The following ALDH1L2 variants were observed in gnomAD, a reference collection of about 807,000 sequenced individuals.
ALDH1L2 encodes aldehyde dehydrogenase 1 family member L2.
ALDH1L2 carries 91 observed loss-of-function variants against 111.0 expected under a neutral mutation model. That is an observed-to-expected ratio of 0.82 (90% CI 0.69 to 0.98). The LOEUF is 0.98. ALDH1L2 is among the 50% of genes least tolerant of loss of function. ALDH1L2 has a pLI of 0.00. For missense variants in ALDH1L2, 995 were observed against 1,126.8 expected, an observed-to-expected ratio of 0.88 and a Z score of 1.67; for synonymous variants, 374 against 392.6, an observed-to-expected ratio of 0.95 and a Z score of 0.56.
chr12:105,031,602 A>T lies in ALDH1L2; in HGVS notation c.2410+167T>A, dbSNP rs1592763878. Among the ~76,000 whole-genome samples, 4 of 152,238 alleles carry T rather than the reference A, an allele frequency of 2.6e-5. No individual in the cohort carries two copies. In the South Asian group the frequency reaches 8.3e-4, roughly 32 times the overall value. ...TTAACCTGCCTCCTAGGTTAAAGTG[A>T]TTCTTGTGCCTCAGCCTCCCCAGTA... On this transcript the variant is annotated intron_variant, in intron 20 of 22. Transcript: ENST00000258494.
In ALDH1L2 at chr12:105,020,934, A is replaced by G. The variant is rs888293782; in HGVS notation, c.*3490T>C. The G allele has an allele frequency of 6.6e-6, 1 of 152,256 alleles. No homozygotes were observed. The highest frequency in any genetic ancestry group is 1.5e-5 in the Non-Finnish European group (1 of 68,070). The allele number at this position is 152,256 out of a possible 1,614,324, so 9.4% of individuals were successfully genotyped here. A position where few individuals can be genotyped will look rare whatever the true frequency, so the allele number is the denominator to read the frequency against. On this transcript the variant is annotated 3_prime_UTR_variant, in exon 23 of 23. Transcript: ENST00000258494. ...TTACACATAGATACCTGCAAATGCTACAAATGAGGGTTTTCTCCCCCGTCC... is the reference window on the plus strand; with the variant it reads ...TTACACATAGATACCTGCAAATGCTGCAAATGAGGGTTTTCTCCCCCGTCC...
intron 1 of ALDH1L2, among the ~76,000 whole-genome samples, chr12:105,080,440 T>C (rs946750119): frequency 6.6e-6 from 1 of 152,210 alleles, no homozygotes; most frequent in African/African-American, 2.4e-5. Flanking sequence ...ATTCTTTTCC[T>C]AAAAACATAG....
chr12:105,077,966 C>G (rs1878149669), intron 1 of ALDH1L2, among the ~76,000 whole-genome samples: 1 of 152,150 alleles, frequency 6.6e-6, no homozygotes, highest in Admixed American at 6.5e-5. Context: ...CCCTGAGGTG[C>G]CTAACACTTC....
intron 11 of ALDH1L2, 128 bp from the exon 12 acceptor site, chr12:105,052,345 ATATC>A (rs1226505606): frequency 2.0e-6 from 2 of 980,824 alleles, no homozygotes; most frequent in East Asian, 3.1e-5. Flanking sequence ...AGAAATGAGT[ATATC>A]TAGTACTACA....
chr12:105,070,552 A>G lies in ALDH1L2; in HGVS notation c.428+18T>C, dbSNP rs1264682232. ...AGACCCCATCTCAAAAAAAAAAAGT[A>G]AAAAGAAAAAATCTCACCAATTGAT... On this transcript the variant is annotated intron_variant, in intron 3 of 22. Coordinates refer to ENST00000258494, the MANE Select transcript of ALDH1L2 (RefSeq NM_001034173.4). The G allele has an allele frequency of 1.3e-6, 2 of 1,582,648 alleles. No individual in the cohort carries two copies. Among genetic ancestry groups the G allele is most frequent in the Admixed American group, 1.8e-5 (1 of 54,906 alleles).
rs368985370 is a variant in ALDH1L2 at position 105,038,125 on chromosome 12, T to G, written c.2123A>C (p.Glu708Ala). ...KSPLIIFNDC[E>A]LDKAVRMGMG... The stretch of plus-strand genomic sequence containing the variant: ...TACCATTCGCACAGCCTTGTCAAGT[T>G]CACAGTCATTAAATATTATAAGTGG... Residue 708 changes from glutamate to alanine, a missense_variant, in exon 18 of 23, where the codon GAA (glutamate) becomes GCA (alanine). By Grantham distance (107) the Glu-to-Ala change is moderately radical (BLOSUM62 -1). Coordinates refer to ENST00000258494, the MANE Select transcript of ALDH1L2 (RefSeq NM_001034173.4). The G allele has an allele frequency of 6.2e-7, 1 of 1,613,570 alleles. No homozygotes were observed. The highest frequency in any genetic ancestry group is 8.5e-7 in the Non-Finnish European group (1 of 1,179,774).
intron 11 of ALDH1L2, 22 bp from the exon 12 acceptor site, chr12:105,052,239 T>C (rs373580193): frequency 3.2e-5 from 50 of 1,580,920 alleles, no homozygotes; most frequent in Non-Finnish European, 3.6e-5. Flanking sequence ...TAAGTAAAAA[T>C]AGGCCCCATG....
intron 1 of ALDH1L2, 127 bp downstream of exon 1, chr12:105,084,262 G>C: frequency 9.0e-7 from 1 of 1,111,842 alleles, no homozygotes; most frequent in Non-Finnish European, 1.2e-6. Flanking sequence ...TTTAAACGCT[G>C]TCTTGGTGTT....
intron 13 of ALDH1L2, among the ~76,000 whole-genome samples, chr12:105,049,269 G>A (rs751823279): frequency 2.6e-5 from 4 of 152,046 alleles, no homozygotes; most frequent in African/African-American, 4.8e-5. Flanking sequence ...CTTTAGATTC[G>A]GAAAATCTTG....
rs899575079 is a variant in ALDH1L2, at chr12:105,049,916, T to A, written c.1678A>T (p.Lys560Ter). ...TFRYFAGWCD[K>*]IQGSTIPINQ... is the part of the protein sequence containing the mutation. ...ATAATATTTGTGCTTACCTGAATTT[T>A]GTCGCACCAGCCAGCAAAATATCTG... is the stretch of plus-strand genomic sequence containing the variant. The change falls in exon 13 of 23, where the codon AAA becomes TAA. Residue 560 changes from lysine to a stop codon, truncating the protein, a stop_gained. Transcript: ENST00000258494. LOFTEE classifies it high-confidence loss of function. The A allele has an allele frequency of 1.2e-6, 2 of 1,611,252 alleles. No homozygotes were observed. Among genetic ancestry groups the A allele is most frequent in the African/African-American group, 2.7e-5 (2 of 74,864 alleles).
intron 17 of ALDH1L2, among the ~76,000 whole-genome samples, 176 bp from the exon 18 acceptor site, chr12:105,038,378 A>G (rs1875314333): frequency 2.0e-5 from 3 of 152,038 alleles, no homozygotes; most frequent in African/African-American, 7.2e-5. Context: ...CCTCAGTAAT[A>G]TTAAGAAACT....
intron 17 of ALDH1L2, among the ~76,000 whole-genome samples, chr12:105,039,066 G>A (rs1875360918): frequency 6.6e-6 from 1 of 152,130 alleles, no homozygotes. Flanking sequence ...CCATGCCTCA[G>A]TGACCATTGT....
chr12:105,063,635 T>TC (rs1281211430), intron 6 of ALDH1L2, among the ~76,000 whole-genome samples: 1 of 138,126 alleles, frequency 7.2e-6, no homozygotes, highest in Non-Finnish European at 1.5e-5. Flanking sequence ...TAAAAAGCTC[T>TC]CAGCCTTTAT....
At chr12:105,035,584 C>T (rs1811993499) in intron 18 of ALDH1L2, among the ~76,000 whole-genome samples, 1 of 152,058 alleles carries the variant, frequency 6.6e-6, no homozygotes, top group Non-Finnish European at 1.5e-5. Flanking sequence ...TCCCAAAGTG[C>T]TGAGATTATA....
Position 105,020,306 on chromosome 12 carries a change from C to G in ALDH1L2, c.*4118G>C, listed in dbSNP as rs567133017. Reference sequence around the variant, plus strand: ...ATTTTGCTTATTATTTTTAGTTTAACCAATACTTAATATGTGCCCACAGCT... The same window carrying G: ...ATTTTGCTTATTATTTTTAGTTTAAGCAATACTTAATATGTGCCCACAGCT... On this transcript the variant is annotated 3_prime_UTR_variant, in exon 23 of 23. Coordinates refer to ENST00000258494, the MANE Select transcript of ALDH1L2 (RefSeq NM_001034173.4). 2 of 152,242 alleles carry G rather than the reference C, an allele frequency of 1.3e-5. No homozygotes were observed. Among genetic ancestry groups the G allele is most frequent in the East Asian group, 3.9e-4 (2 of 5,190 alleles). 9.4% of individuals were successfully genotyped at this position (152,242 alleles called of 1,614,324 possible). A position where few individuals can be genotyped will look rare whatever the true frequency, so the allele number is the denominator to read the frequency against.
intron 22 of ALDH1L2, among the ~76,000 whole-genome samples, chr12:105,024,897 A>C (rs1204309997): frequency 1.3e-5 from 2 of 152,250 alleles, no homozygotes; most frequent in Non-Finnish European, 2.9e-5. Context: ...AACTAAACAG[A>C]AGTAACCAGG....
chr12:105,046,748 A>G lies in ALDH1L2; in HGVS notation c.1825T>C (p.Leu609=). 6.2e-7 allele frequency: 1 copy of G among 1,614,114 alleles called. No homozygotes were observed. Among genetic ancestry groups the G allele is most frequent in the East Asian group, 2.2e-5 (1 of 44,888 alleles). ...MMLAWKSAAC[L]AAGNTLVLKP... is the part of the protein sequence containing the mutation. ...AGCACTAAGGTATTGCCTGCTGCCAAACACGCAGCACTCTTCCATGCCAGC... is the reference window on the plus strand; with the variant it reads ...AGCACTAAGGTATTGCCTGCTGCCAGACACGCAGCACTCTTCCATGCCAGC... The change falls in exon 15 of 23, where the codon TTG becomes CTG. Residue 609 remains leucine, a synonymous_variant. Coordinates refer to ENST00000258494, the MANE Select transcript of ALDH1L2 (RefSeq NM_001034173.4).
chr12:105,053,852 A>G (rs200286577), intron 10 of ALDH1L2, among the ~76,000 whole-genome samples: 1 of 150,688 alleles, frequency 6.6e-6, no homozygotes, highest in Admixed American at 6.6e-5. Context: ...ATTATTATAT[A>G]TTATTATTAT....
chr12:105,064,478 C>G (rs532434658), intron 6 of ALDH1L2, among the ~76,000 whole-genome samples: 1 of 152,300 alleles, frequency 6.6e-6, no homozygotes, highest in South Asian at 2.1e-4. Context: ...GGTCACCCAT[C>G]GAGCCCATGG....
Sources: gnomAD v4.1 joint callset for allele counts (sites outside exome capture counted in the v4.1 genomes callset) on GRCh38, gnomAD v4.1.1 for gene constraint, MANE v1.5 for transcripts, NCBI Gene and HGNC (gene_info 2026-07-23, HGNC 2026-07-21) for gene names.